Variants in CSNK2A2IP observed in about 807,000 individuals in gnomAD.
CSNK2A2IP encodes casein kinase II subunit alpha'-interacting protein.
the CSNK2A2IP span, among the ~76,000 whole-genome samples, chr3:88,352,552 T>A: frequency 6.6e-6 from 1 of 152,014 alleles, no homozygotes; most frequent in Non-Finnish European, 1.5e-5. Flanking sequence ...AAATATTGAA[T>A]CTGAAAATAA....
the CSNK2A2IP span, among the ~76,000 whole-genome samples, chr3:88,339,310 T>C: frequency 6.6e-6 from 1 of 152,080 alleles, no homozygotes; most frequent in African/African-American, 2.4e-5. Context: ...TATCTTTCTG[T>C]GCCTGACTAA....
chr3:88,380,665 C>G, the CSNK2A2IP span, among the ~76,000 whole-genome samples: 1 of 151,648 alleles, frequency 6.6e-6, no homozygotes, highest in Admixed American at 6.6e-5. Flanking sequence ...ACTGGAATTG[C>G]CCCATGTAAA....
the CSNK2A2IP span, among the ~76,000 whole-genome samples, chr3:88,351,461 A>G: frequency 1.3e-3 from 194 of 152,186 alleles, 2 homozygotes; most frequent in African/African-American, 4.3e-3. Flanking sequence ...ATTCAGACAG[A>G]GGCAAAAGCC....
At chr3:88,383,983 G>T in the CSNK2A2IP span, among the ~76,000 whole-genome samples, 2 of 151,964 alleles carry the variant, frequency 1.3e-5, no homozygotes, top group Non-Finnish European at 2.9e-5. Context: ...CTTTAGTTCT[G>T]CTTTTGACCC....
chr3:88,465,865 T>C, the CSNK2A2IP span: 1 of 1,231,570 alleles, frequency 8.1e-7, no homozygotes, highest in East Asian at 3.2e-5. Flanking sequence ...TTGCTGGAGA[T>C]CACTTTCATT....
the CSNK2A2IP span, among the ~76,000 whole-genome samples, chr3:88,384,728 T>TAG: frequency 6.6e-6 from 1 of 152,118 alleles, no homozygotes; most frequent in African/African-American, 2.4e-5. Flanking sequence ...GGAGTCAAGA[T>TAG]AGAGACATGC....
the CSNK2A2IP span, among the ~76,000 whole-genome samples, chr3:88,396,653 G>T: frequency 6.6e-6 from 1 of 152,176 alleles, no homozygotes; most frequent in African/African-American, 2.4e-5. Flanking sequence ...GAGGAGAAGC[G>T]CAATGTTAGA....
the CSNK2A2IP span, among the ~76,000 whole-genome samples, chr3:88,423,998 C>T: frequency 6.6e-6 from 1 of 152,154 alleles, no homozygotes; most frequent in East Asian, 1.9e-4. Context: ...AACCTGGCTC[C>T]TGTCACCATC....
the CSNK2A2IP span, chr3:88,466,362 G>A: frequency 2.3e-5 from 28 of 1,231,642 alleles, no homozygotes; most frequent in Middle Eastern, 3.1e-4. Context: ...TCCAGACCAC[G>A]AATTCACCTG....
At chr3:88,462,917 C>A in the CSNK2A2IP span, among the ~76,000 whole-genome samples, 1,082 of 152,178 alleles carry the variant, frequency 7.1e-3, 14 homozygotes, top group African/African-American at 0.024. Flanking sequence ...TGATATGTAA[C>A]TAATATTGTT....
chr3:88,384,569 C>T, the CSNK2A2IP span, among the ~76,000 whole-genome samples: 1 of 151,980 alleles, frequency 6.6e-6, no homozygotes, highest in East Asian at 1.9e-4. Flanking sequence ...ATGAAAAGAT[C>T]CTGGTAGGAG....
the CSNK2A2IP span, among the ~76,000 whole-genome samples, chr3:88,377,299 C>A: frequency 6.6e-6 from 1 of 151,770 alleles, no homozygotes; most frequent in African/African-American, 2.4e-5. Context: ...TGCCCCTTTA[C>A]CTAGATTTGT....
the CSNK2A2IP span, among the ~76,000 whole-genome samples, chr3:88,435,002 G>A: frequency 6.6e-6 from 1 of 152,250 alleles, no homozygotes; most frequent in East Asian, 1.9e-4. Flanking sequence ...GGCTCTTAGA[G>A]CTCCTTAGTC....
the CSNK2A2IP span, among the ~76,000 whole-genome samples, chr3:88,351,845 T>C: frequency 6.6e-6 from 1 of 152,150 alleles, no homozygotes; most frequent in African/African-American, 2.4e-5. Flanking sequence ...ACATTGGTTT[T>C]TCATCAAAGG....
chr3:88,349,253 C>T, the CSNK2A2IP span, among the ~76,000 whole-genome samples: 91 of 152,010 alleles, frequency 6.0e-4, 1 homozygote, highest in African/African-American at 2.1e-3. Flanking sequence ...GTGCACTGTA[C>T]TCAATATGTT....
the CSNK2A2IP span, among the ~76,000 whole-genome samples, chr3:88,353,589 T>G: frequency 6.6e-6 from 1 of 152,170 alleles, no homozygotes; most frequent in Non-Finnish European, 1.5e-5. Context: ...ATTAAACTAC[T>G]GAGATTTTAG....
At chr3:88,447,997 T>C in the CSNK2A2IP span, among the ~76,000 whole-genome samples, 2 of 152,194 alleles carry the variant, frequency 1.3e-5, no homozygotes, top group African/African-American at 2.4e-5. Context: ...ATAGAAGAAC[T>C]ATATTTGAAA....
the CSNK2A2IP span, among the ~76,000 whole-genome samples, chr3:88,450,070 T>C: frequency 6.6e-6 from 1 of 151,630 alleles, no homozygotes; most frequent in Non-Finnish European, 1.5e-5. Flanking sequence ...GGTTTCATCA[T>C]GTTGGCCAGG....
the CSNK2A2IP span, among the ~76,000 whole-genome samples, chr3:88,432,864 A>T: frequency 6.6e-6 from 1 of 151,576 alleles, no homozygotes; most frequent in African/African-American, 2.4e-5. Context: ...TGGTCATTAC[A>T]TATTTAGGTT....
Sources: gnomAD v4.1 joint callset for allele counts (sites outside exome capture counted in the v4.1 genomes callset) on GRCh38, gnomAD v4.1.1 for gene constraint, MANE v1.5 for transcripts, NCBI Gene and HGNC (gene_info 2026-07-23, HGNC 2026-07-21) for gene names.